CADM1: variants seen among roughly 807,000 people sequenced by gnomAD.
CADM1 encodes TSLC-1.
Under a neutral mutation model 53.1 loss-of-function variants are expected in CADM1, and 15 were observed. The ratio of observed to expected loss-of-function variants is 0.28; its 90% CI spans 0.19 to 0.44. The LOEUF (loss-of-function observed/expected upper bound fraction) is 0.44. Ranked by LOEUF, CADM1 falls within the 20% of genes least tolerant of loss-of-function variation. CADM1 has a pLI of 1.00. For synonymous variants in CADM1, 281 were observed against 243.0 expected (o/e 1.16, Z -1.45); for missense variants, 434 against 611.3 (o/e 0.71, Z 3.06).
chr11:115,337,391 C>T (rs967659962), intron 1 of CADM1, among the ~76,000 whole-genome samples: 6 of 152,144 alleles, frequency 3.9e-5, no homozygotes, highest in Admixed American at 3.9e-4. Context: ...TAGTTCTCAA[C>T]AGCACCTCTC....
chr11:115,458,272 C>T (rs1400375790), intron 1 of CADM1, among the ~76,000 whole-genome samples: 1 of 151,938 alleles, frequency 6.6e-6, no homozygotes, highest in African/African-American at 2.4e-5. Context: ...CAGCAAGCAG[C>T]AAAAGTGAAA....
chr11:115,238,577 A>G lies in CADM1; in HGVS notation c.347T>C (p.Ile116Thr). The change falls in exon 3 of 12, where the codon ATT becomes ACT. Residue 116 changes from isoleucine (I) to threonine (T), a missense_variant. This residue lies in a region of CADM1 where 311 missense variants were observed against 435.1 expected (regional missense o/e 0.71). Coordinates refer to ENST00000331581, the MANE Select transcript of CADM1 (RefSeq NM_001301043.2). The stretch of plus-strand genomic sequence containing the variant: ...GCAAAAGTATCTTCCTTCATCAGAA[A>G]TTGAGACGTTTGTCAATGATACTTT... ...ELKVSLTNVSISDEGRYFCQL... is the reference protein window; with the variant it reads ...ELKVSLTNVSTSDEGRYFCQL... 2 of 1,613,942 alleles carry G rather than the reference A, an allele frequency of 1.2e-6. No individual in the cohort carries two copies. The highest frequency in any genetic ancestry group is 1.7e-6 in the Non-Finnish European group (2 of 1,179,870).
chr11:115,412,136 T>C (rs1254754351), intron 1 of CADM1, among the ~76,000 whole-genome samples: 2 of 152,216 alleles, frequency 1.3e-5, no homozygotes, highest in Non-Finnish European at 2.9e-5. Context: ...AAAAAATGAA[T>C]CCTGAATCTG....
In CADM1 at chr11:115,248,481, C is replaced by T. The variant is rs574896518; in HGVS notation, c.125-8061G>A. ...TATAGAATGTTTATGCGGAGTGACA[C>T]CCATCCACTAAACTTGAAGATCTGA... On this transcript the variant is annotated intron_variant, in intron 1 of 11. Transcript: ENST00000331581. 1.2e-4 allele frequency among the ~76,000 whole-genome samples: 18 copies of T among 152,216 alleles called. No individual in the cohort carries two copies. The South Asian group carries it at 3.3e-3, about 28-fold the overall frequency.
intron 1 of CADM1, among the ~76,000 whole-genome samples, chr11:115,437,597 C>A (rs146240544): frequency 6.6e-6 from 1 of 152,272 alleles, no homozygotes; most frequent in South Asian, 2.1e-4. Context: ...GATACCAAAG[C>A]GATGGGCAAA....
intron 1 of CADM1, among the ~76,000 whole-genome samples, chr11:115,350,498 ATT>A (rs1277404367): frequency 7.0e-6 from 1 of 143,484 alleles, no homozygotes; most frequent in Non-Finnish European, 1.5e-5. Flanking sequence ...GCCTATGACC[ATT>A]CTTTTTTTCT....
intron 1 of CADM1, among the ~76,000 whole-genome samples, chr11:115,442,891 C>A (rs1484702833): frequency 1.3e-5 from 2 of 152,134 alleles, no homozygotes; most frequent in Non-Finnish European, 2.9e-5. Flanking sequence ...GGTTCCCAGC[C>A]AAAAGAATCC....
intron 1 of CADM1, among the ~76,000 whole-genome samples, chr11:115,250,362 T>G (rs1226759863): frequency 6.6e-6 from 1 of 152,220 alleles, no homozygotes; most frequent in Non-Finnish European, 1.5e-5. Flanking sequence ...GTACTGTGAT[T>G]AAACTTGGGT....
chr11:115,169,487 A>T lies in CADM1; in HGVS notation c.*6987T>A, dbSNP rs1373742472. On this transcript the variant is annotated 3_prime_UTR_variant, in exon 12 of 12. Coordinates refer to ENST00000331581, the MANE Select transcript of CADM1 (RefSeq NM_001301043.2). ...CTTTGGCAGGGAAGTAGGAGCAAAA[A>T]ACCCAAGTAGGACATTTCAGTTGAC... 1 of 416,030 alleles carries T rather than the reference A, an allele frequency of 2.4e-6. No homozygotes were observed. The highest frequency in any genetic ancestry group is 2.1e-5 in the African/African-American group (1 of 48,572). 25.8% of individuals were successfully genotyped at this position (416,030 alleles called of 1,614,324 possible).
At chr11:115,346,379 C>G (rs1444771014) in intron 1 of CADM1, among the ~76,000 whole-genome samples, 1 of 152,046 alleles carries the variant, frequency 6.6e-6, no homozygotes, top group Non-Finnish European at 1.5e-5. Flanking sequence ...CTTCAGGAAG[C>G]CATTGTGGGT....
Position 115,289,752 on chromosome 11 carries a change from C to A in CADM1, c.125-49332G>T, listed in dbSNP as rs574867724. 4.6e-5 allele frequency among the ~76,000 whole-genome samples: 7 copies of A among 152,014 alleles called. No homozygotes were observed. In the South Asian group the frequency reaches 1.5e-3, roughly 32 times the overall value. Reference sequence around the variant, plus strand: ...CTGGGACTATAGGCACCCACCATCACGCCCAGCTAATTTTTTGTATTTTTA... The same window carrying A: ...CTGGGACTATAGGCACCCACCATCAAGCCCAGCTAATTTTTTGTATTTTTA... On this transcript the variant is annotated intron_variant, in intron 1 of 11. Coordinates refer to ENST00000331581, the MANE Select transcript of CADM1 (RefSeq NM_001301043.2).
chr11:115,288,413 C>T (rs545102430), intron 1 of CADM1, among the ~76,000 whole-genome samples: 17 of 152,068 alleles, frequency 1.1e-4, no homozygotes, highest in African/African-American at 3.9e-4. Context: ...ATGAAATCAA[C>T]AATCACCTTC....
chr11:115,263,915 A>G (rs72994087), intron 1 of CADM1, among the ~76,000 whole-genome samples: 2 of 152,086 alleles, frequency 1.3e-5, no homozygotes. Flanking sequence ...AGAGCTGAGA[A>G]TCTGCTATAG....
At chr11:115,503,249 G>A (rs1949771066) in intron 1 of CADM1, among the ~76,000 whole-genome samples, 1 of 152,206 alleles carries the variant, frequency 6.6e-6, no homozygotes. Flanking sequence ...TCCCGACCGC[G>A]CCAACGCGCC....
At chr11:115,289,480 T>A (rs547881251) in intron 1 of CADM1, among the ~76,000 whole-genome samples, 1 of 152,336 alleles carries the variant, frequency 6.6e-6, no homozygotes, top group South Asian at 2.1e-4. Context: ...TATACCTTTC[T>A]GGTACAATGA....
chr11:115,210,733 C>T (rs933389187), intron 7 of CADM1, among the ~76,000 whole-genome samples: 2 of 152,206 alleles, frequency 1.3e-5, no homozygotes, highest in Admixed American at 1.3e-4. Context: ...CTAATTAATA[C>T]ATCAAAACTT....
chr11:115,405,967 G>A (rs971546651), intron 1 of CADM1, among the ~76,000 whole-genome samples: 1 of 152,130 alleles, frequency 6.6e-6, no homozygotes, highest in Admixed American at 6.5e-5. Context: ...AAAGCTAGGC[G>A]TGGTTCTATA....
intron 10 of CADM1, among the ~76,000 whole-genome samples, chr11:115,179,454 T>C (rs1939206419): frequency 6.6e-6 from 1 of 152,224 alleles, no homozygotes; most frequent in South Asian, 2.1e-4. Flanking sequence ...CAATTAATTT[T>C]CCTTTATAAG....
chr11:115,249,581 A>G (rs1402862320), intron 1 of CADM1, among the ~76,000 whole-genome samples: 2 of 152,216 alleles, frequency 1.3e-5, no homozygotes, highest in African/African-American at 4.8e-5. Flanking sequence ...AACTCAAAAC[A>G]CATATTTGAA....
Sources: allele counts gnomAD v4.1 joint callset (sites outside exome capture counted in the v4.1 genomes callset), GRCh38; gene constraint gnomAD v4.1.1; regional missense constraint gnomAD v4.1.1; transcripts MANE v1.5; gene names NCBI Gene and HGNC (gene_info 2026-07-23, HGNC 2026-07-21).